ZSCAN22: variants seen among roughly 807,000 people sequenced by gnomAD.
ZSCAN22 encodes zinc finger and SCAN domain-containing protein 22.
In ZSCAN22, 7 loss-of-function variants were observed where a neutral mutation model predicts 12.4. The observed-to-expected ratio is 0.57, with a 90% confidence interval of 0.32 to 1.06. The LOEUF (loss-of-function observed/expected upper bound fraction) is 1.06, where lower values mean the gene tolerates loss of function less well. Ranked by LOEUF, ZSCAN22 falls within the 50% of genes least tolerant of loss-of-function variation. ZSCAN22 has a pLI of 0.04. For synonymous variants in ZSCAN22, 243 were observed against 255.9 expected (o/e 0.95, Z 0.48); for missense variants, 576 against 631.7 (o/e 0.91, Z 0.94).
chr19:58,338,493 C>A lies in ZSCAN22; in HGVS notation c.643C>A (p.Pro215Thr), dbSNP rs754287172. 2 of 1,614,184 alleles carry A rather than the reference C, an allele frequency of 1.2e-6. No homozygotes were observed. The highest frequency in any genetic ancestry group is 2.2e-5 in the South Asian group (2 of 91,080). The change falls in exon 3 of 3, where the codon CCC becomes ACC. Residue 215 changes from proline to threonine, a missense_variant. Coordinates refer to ENST00000329665, the MANE Select transcript of ZSCAN22 (RefSeq NM_181846.3). The surrounding 1 kb of genome is among the most constrained non-coding windows in gnomAD (Gnocchi z 5.4). Reference sequence around the variant, plus strand: ...AACTTCAGGGCCTTACAAGGATGTCCCCACAGACCAGCGTGGCCGTGAATC... The same window carrying A: ...AACTTCAGGGCCTTACAAGGATGTCACCACAGACCAGCGTGGCCGTGAATC... ...KKTSGPYKDVPTDQRGRESGA... is the reference protein window; with the variant it reads ...KKTSGPYKDVTTDQRGRESGA...
In ZSCAN22 at chr19:58,329,049, A is replaced by T. The variant is rs2051690484; in HGVS notation, c.-52+1935A>T. Among the ~76,000 whole-genome samples, 1 of 152,162 alleles carries T rather than the reference A, an allele frequency of 6.6e-6. No individual in the cohort carries two copies. Among genetic ancestry groups the T allele is most frequent in the South Asian group, 2.1e-4 (1 of 4,830 alleles). On this transcript the variant is annotated intron_variant, in intron 1 of 2. Transcript: ENST00000329665. The surrounding 1 kb of genome is among the most constrained non-coding windows in gnomAD (Gnocchi z 4.1). ...ACACCTGAGGAAAGTGGCAGCTAAG[A>T]TGAGGCCTAGAGAGCCCAGAGGAAT...
In ZSCAN22 at chr19:58,338,780, C is replaced by A; in HGVS notation, c.930C>A (p.His310Gln). 1 of 1,614,190 alleles carries A rather than the reference C, an allele frequency of 6.2e-7. No individual in the cohort carries two copies. The highest frequency in any genetic ancestry group is 8.5e-7 in the Non-Finnish European group (1 of 1,180,020). Residue 310 changes from histidine to glutamine, a missense_variant, in exon 3 of 3, where the codon CAC becomes CAA. Transcript: ENST00000329665. The surrounding 1 kb of genome is among the most constrained non-coding windows in gnomAD (Gnocchi z 5.4). ...GGAAAGCCTTCAGCCGGAGCACTCA[C>A]CTCGCCCAGCACCAGGTTGTCCACA... ...ECGKAFSRST[H>Q]LAQHQVVHTG...
At chr19:58,331,261 G>A (rs1462577359) in intron 1 of ZSCAN22, among the ~76,000 whole-genome samples, 1 of 147,912 alleles carries the variant, frequency 6.8e-6, no homozygotes, top group African/African-American at 2.5e-5. Context: ...CTGTCGGCCA[G>A]GCTGGAGTGC....
At position 58,338,850 on chromosome 19, in the gene ZSCAN22, A is replaced by G; in HGVS notation, c.1000A>G (p.Ser334Gly). 6.2e-7 allele frequency: 1 copy of G among 1,614,090 alleles called. No homozygotes were observed. ...HECKECGKAF[S>G]RVTHLTQHQR... ...GTGTAAGGAATGTGGGAAGGCCTTCAGCCGAGTCACCCACCTGACTCAGCA... is the reference window on the plus strand; with the variant it reads ...GTGTAAGGAATGTGGGAAGGCCTTCGGCCGAGTCACCCACCTGACTCAGCA... The change falls in exon 3 of 3, where the codon AGC becomes GGC. Residue 334 changes from serine (S) to glycine (G), a missense_variant. Transcript: ENST00000329665. The surrounding 1 kb of genome is among the most constrained non-coding windows in gnomAD (Gnocchi z 5.4).
Position 58,339,369 on chromosome 19 carries a change from G to A in ZSCAN22, c.*43G>A, listed in dbSNP as rs1256278152. The stretch of plus-strand genomic sequence containing the variant: ...GGGCGTAGCACAGCGTCTTCTCGGA[G>A]GCTCGAGGTCTAAGAGAAACGCTGA... On this transcript the variant is annotated 3_prime_UTR_variant, in exon 3 of 3. Coordinates refer to ENST00000329665, the MANE Select transcript of ZSCAN22 (RefSeq NM_181846.3). The surrounding 1 kb of genome is among the most constrained non-coding windows in gnomAD (Gnocchi z 5.6). 5 of 1,519,902 alleles carry A rather than the reference G, an allele frequency of 3.3e-6. No individual in the cohort carries two copies. Among genetic ancestry groups the A allele is most frequent in the Non-Finnish European group, 4.4e-6 (5 of 1,129,560 alleles). The allele number at this position is 1,519,902 out of a possible 1,614,324, so 94.2% of individuals were successfully genotyped here.
intron 2 of ZSCAN22, among the ~76,000 whole-genome samples, chr19:58,336,714 C>T (rs775005260): frequency 6.6e-6 from 1 of 152,188 alleles, no homozygotes; most frequent in African/African-American, 2.4e-5. Flanking sequence ...CACAGCAGTA[C>T]CTCCTTCTGA....
rs1469183805 is a variant in ZSCAN22, at chr19:58,335,636, C to T, written c.403+431C>T. 6.6e-6 allele frequency among the ~76,000 whole-genome samples: 1 copy of T among 152,202 alleles called. No individual in the cohort carries two copies. The highest frequency in any genetic ancestry group is 1.5e-5 in the Non-Finnish European group (1 of 68,032). ...ACAATAAGAGGTCCCTGGTCTGAGCCCCCACTGGCCTGGTTGGGATCTTAT... is the reference window on the plus strand; with the variant it reads ...ACAATAAGAGGTCCCTGGTCTGAGCTCCCACTGGCCTGGTTGGGATCTTAT... On this transcript the variant is annotated intron_variant, in intron 2 of 2. Coordinates refer to ENST00000329665, the MANE Select transcript of ZSCAN22 (RefSeq NM_181846.3). This position sits in a 1 kb window ranked among gnomAD's most constrained non-coding sequence, Gnocchi z 4.1.
intron 1 of ZSCAN22, among the ~76,000 whole-genome samples, chr19:58,327,337 T>C (rs964762582): frequency 3.3e-5 from 5 of 152,006 alleles, no homozygotes; most frequent in African/African-American, 1.2e-4. Context: ...GGACCGTGTG[T>C]GCACGGACTG....
chr19:58,327,422 G>A (rs982786429), intron 1 of ZSCAN22, among the ~76,000 whole-genome samples: 1 of 152,218 alleles, frequency 6.6e-6, no homozygotes, highest in Non-Finnish European at 1.5e-5. Context: ...CGGACCGACG[G>A]AGAATGTGTC....
In ZSCAN22 at chr19:58,338,346, G is replaced by A. The variant is rs2051822461; in HGVS notation, c.496G>A (p.Gly166Arg). Residue 166 changes from glycine (G) to arginine (R), a missense_variant, in exon 3 of 3, where the codon GGA becomes AGA. Transcript: ENST00000329665. The surrounding 1 kb of genome is among the most constrained non-coding windows in gnomAD (Gnocchi z 5.4). Reference sequence around the variant, plus strand: ...ATCAAATGTCACTGAGACCCTCATGGGAGGTGTTTCCCTTGGACCCGCCTT... The same window carrying A: ...ATCAAATGTCACTGAGACCCTCATGAGAGGTGTTTCCCTTGGACCCGCCTT... The part of the protein sequence containing the change: ...EPSNVTETLM[G>R]GVSLGPAFVK... 6.2e-7 allele frequency: 1 copy of A among 1,614,146 alleles called. No homozygotes were observed. Among genetic ancestry groups the A allele is most frequent in the South Asian group, 1.1e-5 (1 of 91,080 alleles).
chr19:58,330,268 C>T (rs1451722730), intron 1 of ZSCAN22, among the ~76,000 whole-genome samples: 2 of 151,956 alleles, frequency 1.3e-5, no homozygotes, highest in South Asian at 2.1e-4. Context: ...CCAGCCTGGG[C>T]GACAAAGCAA....
rs1413137916 is a variant in ZSCAN22, at chr19:58,342,158, C to T, written c.*2832C>T. Reference sequence around the variant, plus strand: ...AGCCTGTGTGTGCTGCCCAGTCTACCAAATAATTTATATACATCTCAGTCC... The same window carrying T: ...AGCCTGTGTGTGCTGCCCAGTCTACTAAATAATTTATATACATCTCAGTCC... On this transcript the variant is annotated 3_prime_UTR_variant, in exon 3 of 3. Coordinates refer to ENST00000329665, the MANE Select transcript of ZSCAN22 (RefSeq NM_181846.3). 6.6e-6 allele frequency: 1 copy of T among 152,168 alleles called. No homozygotes were observed. The highest frequency in any genetic ancestry group is 1.9e-4 in the East Asian group (1 of 5,196). The allele number at this position is 152,168 out of a possible 1,614,324, so 9.4% of individuals were successfully genotyped here. A position where few individuals can be genotyped will look rare whatever the true frequency, so the allele number is the denominator to read the frequency against.
chr19:58,330,138 A>C (rs1297497341), intron 1 of ZSCAN22, among the ~76,000 whole-genome samples: 1 of 152,120 alleles, frequency 6.6e-6, no homozygotes, highest in African/African-American at 2.4e-5. Context: ...AGTACAAAAA[A>C]AAATAGCTGG....
rs1257607508 is a variant in ZSCAN22 at position 58,327,041 on chromosome 19, C to G, written c.-125C>G. The G allele has an allele frequency of 6.5e-6, 1 of 152,902 alleles. No homozygotes were observed. The highest frequency in any genetic ancestry group is 1.9e-4 in the East Asian group (1 of 5,192). 9.5% of individuals were successfully genotyped at this position (152,902 alleles called of 1,614,324 possible). On this transcript the variant is annotated 5_prime_UTR_variant, in exon 1 of 3. Coordinates refer to ENST00000329665, the MANE Select transcript of ZSCAN22 (RefSeq NM_181846.3). ...CTTGAGGTGTGCTGGGAGCTGTGGTCCGGGTCGGCGGGCGCGCAAGTTGGC... is the reference window on the plus strand; with the variant it reads ...CTTGAGGTGTGCTGGGAGCTGTGGTGCGGGTCGGCGGGCGCGCAAGTTGGC...
rs1194085496 is a variant in ZSCAN22 at position 58,338,460 on chromosome 19, T to C, written c.610T>C (p.Phe204Leu). 2 of 1,614,166 alleles carry C rather than the reference T, an allele frequency of 1.2e-6. No homozygotes were observed. Among genetic ancestry groups the C allele is most frequent in the Non-Finnish European group, 8.5e-7 (1 of 1,180,024 alleles). The change falls in exon 3 of 3, where the codon TTC becomes CTC. Residue 204 changes from phenylalanine (F) to leucine (L), a missense_variant. Physicochemically the swap from Phe to Leu is conservative, Grantham distance 22 (BLOSUM62 0). Transcript: ENST00000329665. The surrounding 1 kb of genome is among the most constrained non-coding windows in gnomAD (Gnocchi z 5.4). ...AAAGTCTGTCACCCAACAGATCCACTTCAAGAAAACTTCAGGGCCTTACAA... is the reference window on the plus strand; with the variant it reads ...AAAGTCTGTCACCCAACAGATCCACCTCAAGAAAACTTCAGGGCCTTACAA... ...WTKSVTQQIH[F>L]KKTSGPYKDV...
rs138228981 is a variant in ZSCAN22 at position 58,334,844 on chromosome 19, A to T, written c.42A>T (p.Glu14Asp). The change falls in exon 2 of 3, where the codon GAA (glutamate) becomes GAT (aspartate). Residue 14 changes from glutamate to aspartate, a missense_variant. Transcript: ENST00000329665. ...PKHSLSPVPW[E>D]EDSFLQVKVE... ...ACTCCCTGAGCCCAGTGCCGTGGGAAGAGGACAGCTTCCTTCAAGTGAAGG... is the reference window on the plus strand; with the variant it reads ...ACTCCCTGAGCCCAGTGCCGTGGGATGAGGACAGCTTCCTTCAAGTGAAGG... 100 of 1,613,418 alleles carry T rather than the reference A, an allele frequency of 6.2e-5. No individual in the cohort carries two copies. The African/African-American group carries it at 1.3e-3, about 20-fold the overall frequency.
chr19:58,336,939 G>A (rs1326937443), intron 2 of ZSCAN22, among the ~76,000 whole-genome samples: 3 of 152,216 alleles, frequency 2.0e-5, no homozygotes, highest in Non-Finnish European at 4.4e-5. Flanking sequence ...GAGCCCCACT[G>A]TGGACTTGAG....
intron 1 of ZSCAN22, among the ~76,000 whole-genome samples, chr19:58,328,924 G>C (rs1378665323): frequency 6.6e-6 from 1 of 152,142 alleles, no homozygotes; most frequent in African/African-American, 2.4e-5. Context: ...TGTGGCTCCA[G>C]GACAGCCCAG....
At chr19:58,337,404 C>A (rs1007413434) in intron 2 of ZSCAN22, among the ~76,000 whole-genome samples, 1 of 147,200 alleles carries the variant, frequency 6.8e-6, no homozygotes, top group Non-Finnish European at 1.5e-5. Flanking sequence ...AACTCCAACC[C>A]CACAGAGATC....
Sources: allele counts gnomAD v4.1 joint callset (sites outside exome capture counted in the v4.1 genomes callset), GRCh38; gene constraint gnomAD v4.1.1; non-coding constraint Gnocchi (gnomAD v3.1); transcripts MANE v1.5; gene names NCBI Gene and HGNC (gene_info 2026-07-23, HGNC 2026-07-21).